The following MGAT1 variants were observed in gnomAD, a reference collection of about 807,000 sequenced individuals.
MGAT1 encodes the protein N-glycosyl-oligosaccharide-glycoprotein N-acetylglucosaminyltransferase I.
MGAT1 carries 14 observed loss-of-function variants against 31.7 expected under a neutral mutation model. The ratio of observed to expected loss-of-function variants is 0.44; its 90% CI spans 0.29 to 0.69. The LOEUF (loss-of-function observed/expected upper bound fraction) is 0.69, where lower values mean the gene tolerates loss of function less well. Among genes scored for constraint, MGAT1 ranks in the 30% least tolerant of loss-of-function variants. The probability of loss-of-function intolerance (pLI) is 0.12; values close to 1 mark genes in which losing one functional copy is unlikely to be tolerated. For missense variants in MGAT1, 557 were observed against 626.0 expected, an observed-to-expected ratio of 0.89 and a Z score of 1.18; for synonymous variants, 338 against 276.0, an observed-to-expected ratio of 1.22 and a Z score of -2.23.
chr5:180,800,595 T>G (rs1046755384), intron 1 of MGAT1, among the ~76,000 whole-genome samples: 4 of 152,072 alleles, frequency 2.6e-5, no homozygotes, highest in Non-Finnish European at 5.9e-5. Context: ...CAAAGGTGAG[T>G]GTTCCAAGAA....
In MGAT1 at chr5:180,811,120, C is replaced by T. The variant is rs1405951337; in HGVS notation, c.-545-2054G>A. 5 of 152,380 alleles carry T rather than the reference C, an allele frequency of 3.3e-5. No individual in the cohort carries two copies. In the East Asian group the frequency reaches 9.6e-4, roughly 29 times the overall value. 9.4% of individuals were successfully genotyped at this position (152,380 alleles called of 1,614,324 possible). ...TTTTGAAGTTCCTATGCAGCCCTCT[C>T]CCGACATGTTCGAGAATCTTGCCGG... On this transcript the variant is annotated intron_variant, in intron 1 of 2. Transcript: ENST00000333055.
intron 1 of MGAT1, among the ~76,000 whole-genome samples, chr5:180,814,184 G>A (rs1455169497): frequency 3.3e-5 from 5 of 152,190 alleles, no homozygotes; most frequent in African/African-American, 1.2e-4. Flanking sequence ...ACCCTGGCGA[G>A]TATTCTTTGT....
chr5:180,796,012 C>T (rs929832076), intron 1 of MGAT1: 4 of 117,642 alleles, frequency 3.4e-5, no homozygotes, highest in Non-Finnish European at 7.4e-5. Context: ...CAGACCATAA[C>T]TCCTTGACTG....
chr5:180,802,847 T>C (rs1771176817), upstream of MGAT1: 1 of 150,938 alleles, frequency 6.6e-6, no homozygotes, highest in Non-Finnish European at 1.5e-5. Context: ...AACGTGGCCC[T>C]TCCCCGGCAG....
upstream of MGAT1, chr5:180,802,985 A>T (rs1479440481): frequency 6.8e-6 from 1 of 147,414 alleles, no homozygotes; most frequent in Non-Finnish European, 1.5e-5. Context: ...CAGTCAACCC[A>T]GGACCCAAGT....
intron 1 of MGAT1, among the ~76,000 whole-genome samples, chr5:180,812,406 A>ATC (rs1772633194): frequency 6.6e-6 from 1 of 152,220 alleles, no homozygotes; most frequent in Non-Finnish European, 1.5e-5. Flanking sequence ...ATTTTTACTT[A>ATC]AGTGACCTTC....
upstream of MGAT1, among the ~76,000 whole-genome samples, chr5:180,804,540 C>A (rs1771572914): frequency 6.6e-6 from 1 of 152,242 alleles, no homozygotes; most frequent in African/African-American, 2.4e-5. Flanking sequence ...AGCCTCGAAC[C>A]CAGGCGGATA....
In MGAT1 at chr5:180,792,763, C is replaced by T. The variant is rs34749710; in HGVS notation, c.209G>A (p.Gly70Glu). The change falls in exon 2 of 2, where the codon GGG (glycine) becomes GAG (glutamate). Residue 70 changes from glycine (G) to glutamate (E), a missense_variant. By Grantham distance (98) the Gly-to-Glu change is moderately conservative (BLOSUM62 -2). Coordinates refer to ENST00000307826, the MANE Select transcript of MGAT1 (RefSeq NM_002406.4). ...GGCATCCCCGATCTGCTGCAGCAGC[C>T]CACGCTGCCGCTCCAGCTCCACCTC... The part of the protein sequence containing the change: ...DAEVELERQR[G>E]LLQQIGDALS... 3.6e-4 allele frequency: 562 copies of T among 1,547,748 alleles called. 1 individual carries two copies. The highest frequency in any genetic ancestry group is 3.7e-4 in the Middle Eastern group (2 of 5,434).
At chr5:180,798,808 G>A (rs1201271350) in intron 1 of MGAT1, among the ~76,000 whole-genome samples, 1 of 152,138 alleles carries the variant, frequency 6.6e-6, no homozygotes, top group African/African-American at 2.4e-5. Flanking sequence ...TGCTGCTTCT[G>A]ATCTTCCACT....
upstream of MGAT1, among the ~76,000 whole-genome samples, chr5:180,804,117 C>T (rs1227216644): frequency 1.3e-5 from 2 of 152,212 alleles, no homozygotes; most frequent in Non-Finnish European, 2.9e-5. Flanking sequence ...AAGGGGTCAC[C>T]AGGCATGGTG....
intron 1 of MGAT1, among the ~76,000 whole-genome samples, chr5:180,814,740 G>A (rs1772763449): frequency 6.6e-6 from 1 of 152,048 alleles, no homozygotes; most frequent in South Asian, 2.1e-4. Flanking sequence ...AGGAGTTGAA[G>A]ACCAACCTGA....
chr5:180,810,678 CT>C (rs3839210), intron 1 of MGAT1: 25,314 of 113,688 alleles, frequency 0.22, 3,767 homozygotes, highest in African/African-American at 0.57. Context: ...GACCCCCCCC[CT>C]CCGCCCCACG....
rs1423061158 is a variant in MGAT1, at chr5:180,792,951, T to C, written c.21A>G (p.Ala7=). 6.2e-7 allele frequency: 1 copy of C among 1,613,266 alleles called. No homozygotes were observed. Among genetic ancestry groups the C allele is most frequent in the African/African-American group, 1.3e-5 (1 of 74,902 alleles). The change falls in exon 2 of 2, where the codon GCA becomes GCG. Residue 7 remains alanine (A), a synonymous_variant. Coordinates refer to ENST00000307826, the MANE Select transcript of MGAT1 (RefSeq NM_002406.4). MLKKQS[A]GLVLWGAILF... is the part of the protein sequence containing the mutation. ...GGATAGCGCCCCACAGCACAAGCCC[T>C]GCAGACTGCTTCTTCAGCATCCTGG...
At position 180,787,168 on chromosome 5, in the gene MGAT1, C is replaced by A. The variant is rs971660741; in HGVS notation, c.*4466G>T. On this transcript the variant is annotated 3_prime_UTR_variant, in exon 2 of 2. Transcript: ENST00000307826. ...GGCTCTGGCAGGAAGAACAGCTGGA[C>A]CCGAGTCAGACACGCAGGTCACGGG... 6.6e-6 allele frequency: 1 copy of A among 152,388 alleles called. No individual in the cohort carries two copies. Among genetic ancestry groups the A allele is most frequent in the African/African-American group, 2.4e-5 (1 of 41,474 alleles). The allele number at this position is 152,388 out of a possible 1,614,324, so 9.4% of individuals were successfully genotyped here. A position where few individuals can be genotyped will look rare whatever the true frequency, so the allele number is the denominator to read the frequency against.
intron 1 of MGAT1, among the ~76,000 whole-genome samples, chr5:180,813,909 C>T (rs541744992): frequency 6.6e-6 from 1 of 152,330 alleles, no homozygotes; most frequent in South Asian, 2.1e-4. Context: ...GGGCTACCTA[C>T]AGTCCCCACC....
At position 180,799,424 on chromosome 5, in the gene MGAT1, CCTT is replaced by C. The variant is rs562518636; in HGVS notation, c.-127+3253_-127+3255del. ...TCCTTTCAGGCCACTTCAGGTGACT[CCTT>C]CTGTAACATCACAGACAGAGCCAGG... On this transcript the variant is annotated intron_variant, in intron 1 of 1. Coordinates refer to ENST00000307826, the MANE Select transcript of MGAT1 (RefSeq NM_002406.4). Among the ~76,000 whole-genome samples the C allele has an allele frequency of 1.4e-3, 209 of 152,280 alleles. 1 individual carries two copies. Among genetic ancestry groups the C allele is most frequent in the African/African-American group, 4.6e-3 (190 of 41,550 alleles).
Position 180,791,780 on chromosome 5 carries a change from C to T in MGAT1, c.1192G>A (p.Ala398Thr), listed in dbSNP as rs756220770. Reference sequence around the variant, plus strand: ...TCATCCATGACACCCAGAGCCTTGGCGAAAGCCTTGAAGCTGTCCCTGCCC... The same window carrying T: ...TCATCCATGACACCCAGAGCCTTGGTGAAAGCCTTGAAGCTGTCCCTGCCC... ...YTGRDSFKAFAKALGVMDDLK... is the reference protein window; with the variant it reads ...YTGRDSFKAFTKALGVMDDLK... Residue 398 changes from alanine (A) to threonine (T), a missense_variant, in exon 2 of 2, where the codon GCC becomes ACC. Ala to Thr is a moderately conservative substitution (Grantham distance 58, BLOSUM62 0). Transcript: ENST00000307826. The T allele has an allele frequency of 1.4e-5, 22 of 1,613,990 alleles. No individual in the cohort carries two copies. The highest frequency in any genetic ancestry group is 1.7e-5 in the Admixed American group (1 of 60,002).
At position 180,785,838 on chromosome 5, in the gene MGAT1, C is replaced by G. The variant is rs1767532550; in HGVS notation, c.*5796G>C. The G allele has an allele frequency of 6.6e-6, 1 of 152,310 alleles. No homozygotes were observed. The allele number at this position is 152,310 out of a possible 1,614,324, so 9.4% of individuals were successfully genotyped here. ...CTTTTGGCAGGCTTGCCTCATTGCC[C>G]TTGCAGGGAAGGCTGCCTGTCTCTA... On this transcript the variant is annotated 3_prime_UTR_variant, in exon 2 of 2. Coordinates refer to ENST00000307826, the MANE Select transcript of MGAT1 (RefSeq NM_002406.4).
intron 1 of MGAT1, among the ~76,000 whole-genome samples, chr5:180,800,495 G>A (rs1770511439): frequency 6.6e-6 from 1 of 152,248 alleles, no homozygotes; most frequent in Non-Finnish European, 1.5e-5. Flanking sequence ...GTAGGATGAT[G>A]TTGGCAGCAG....
Sources: gnomAD v4.1 joint callset for allele counts (sites outside exome capture counted in the v4.1 genomes callset) on GRCh38, gnomAD v4.1.1 for gene constraint, MANE v1.5 for transcripts, NCBI Gene and HGNC (gene_info 2026-07-23, HGNC 2026-07-21) for gene names.